The following WWOX variants were observed in gnomAD, a reference collection of about 807,000 sequenced individuals.
WWOX encodes WW domain containing oxidoreductase.
In WWOX, 69 loss-of-function variants were observed where a neutral mutation model predicts 46.2. The ratio of observed to expected loss-of-function variants is 1.49; its 90% CI spans 1.23 to 1.82. The LOEUF is 1.82. WWOX is among the 40% of genes most tolerant of loss of function. The probability of loss-of-function intolerance (pLI) is 0.00; values close to 1 mark genes in which losing one functional copy is unlikely to be tolerated. For synonymous variants in WWOX, 359 were observed against 202.6 expected, an observed-to-expected ratio of 1.77 and a Z score of -6.56; for missense variants, 919 against 542.6, an observed-to-expected ratio of 1.69 and a Z score of -6.89.
intron 8 of WWOX, among the ~76,000 whole-genome samples, chr16:78,771,638 G>T (rs2050066820): frequency 1.3e-5 from 2 of 152,104 alleles, no homozygotes; most frequent in Non-Finnish European, 2.9e-5. Flanking sequence ...CGGGCATTGT[G>T]GTGGGTGTCT....
At chr16:78,275,085 A>G (rs1357653690) in intron 5 of WWOX, among the ~76,000 whole-genome samples, 1 of 152,184 alleles carries the variant, frequency 6.6e-6, no homozygotes, top group Non-Finnish European at 1.5e-5. Context: ...TGGCCCATGC[A>G]GAGTTTACTG....
intron 8 of WWOX, among the ~76,000 whole-genome samples, chr16:78,850,840 T>G (rs372746714): frequency 5.9e-5 from 9 of 152,296 alleles, no homozygotes; most frequent in African/African-American, 2.2e-4. Context: ...TTAGTGTCTA[T>G]TTTTGGTGAT....
At chr16:78,930,787 T>C (rs1555571035) in intron 8 of WWOX, among the ~76,000 whole-genome samples, 1 of 152,108 alleles carries the variant, frequency 6.6e-6, no homozygotes, top group Non-Finnish European at 1.5e-5. Flanking sequence ...CTGTGATGCT[T>C]CCATCACACA....
intron 8 of WWOX, among the ~76,000 whole-genome samples, chr16:78,863,563 G>T (rs935946570): frequency 4.6e-5 from 7 of 152,112 alleles, no homozygotes; most frequent in Admixed American, 1.3e-4. Flanking sequence ...CGGCATTGTG[G>T]CTCCCTTTGT....
rs1314369802 is a variant in WWOX at position 78,364,307 on chromosome 16, TTGTCTA to T, written c.517-22551_517-22546del. On this transcript the variant is annotated intron_variant, in intron 5 of 8. Transcript: ENST00000566780. ...TAGCCACTAAAGGGGGAATTGGATA[TTGTCTA>T]TCAATTGGTTGGTCTCTGAACTAAG... is the stretch of plus-strand genomic sequence containing the variant. Among the ~76,000 whole-genome samples, 3 of 152,328 alleles carry T rather than the reference TTGTCTA, an allele frequency of 2.0e-5. No homozygotes were observed. In the East Asian group the frequency reaches 5.8e-4, roughly 29 times the overall value.
At chr16:78,853,168 A>G (rs2052489096) in intron 8 of WWOX, among the ~76,000 whole-genome samples, 1 of 152,214 alleles carries the variant, frequency 6.6e-6, no homozygotes, top group African/African-American at 2.4e-5. Flanking sequence ...ATATGTTGCC[A>G]TGTATAGCCA....
intron 8 of WWOX, among the ~76,000 whole-genome samples, chr16:78,752,999 C>T (rs950116253): frequency 6.6e-6 from 1 of 152,088 alleles, no homozygotes; most frequent in Non-Finnish European, 1.5e-5. Context: ...GCAGTGATTT[C>T]AGTAATCTCT....
chr16:78,938,275 G>A (rs954279073), intron 8 of WWOX, among the ~76,000 whole-genome samples: 3 of 152,222 alleles, frequency 2.0e-5, no homozygotes, highest in East Asian at 1.9e-4. Context: ...AAGTAGATCA[G>A]TGTTGCCCAG....
chr16:78,684,929 ATGT>A (rs1281223617), intron 8 of WWOX, among the ~76,000 whole-genome samples: 2 of 152,186 alleles, frequency 1.3e-5, no homozygotes, highest in Non-Finnish European at 2.9e-5. Flanking sequence ...TAGTGAACAC[ATGT>A]TGTTTTACAG....
chr16:78,890,457 G>T (rs1483090111), intron 8 of WWOX: 1 of 151,612 alleles, frequency 6.6e-6, no homozygotes, highest in East Asian at 1.9e-4. Flanking sequence ...TGTTCCCCCA[G>T]CCCCAGTCAG....
intron 8 of WWOX, among the ~76,000 whole-genome samples, chr16:78,860,336 C>T (rs1286348419): frequency 2.0e-5 from 3 of 152,302 alleles, no homozygotes; most frequent in East Asian, 3.9e-4. Context: ...AGAATTCCCA[C>T]ACTTGGCCCC....
rs372824541 is a variant in WWOX, at chr16:78,605,784, A to G, written c.1056+173032A>G. On this transcript the variant is annotated intron_variant, in intron 8 of 8. Transcript: ENST00000566780. ...GATAGGAAGAAGCTCTGATGAAGCA[A>G]TGTTGGGGCACTCATGGTTAAATTG... Among the ~76,000 whole-genome samples, 3 of 152,082 alleles carry G rather than the reference A, an allele frequency of 2.0e-5. 1 individual carries two copies. The highest frequency in any genetic ancestry group is 2.9e-5 in the Non-Finnish European group (2 of 68,006).
chr16:78,398,901 C>G (rs745529902), intron 6 of WWOX, among the ~76,000 whole-genome samples: 11 of 152,210 alleles, frequency 7.2e-5, no homozygotes, highest in Non-Finnish European at 1.5e-4. Context: ...CTTTATCATC[C>G]TTTGCAATTA....
intron 8 of WWOX, among the ~76,000 whole-genome samples, chr16:79,009,770 A>T (rs1160093168): frequency 6.6e-6 from 1 of 152,072 alleles, no homozygotes; most frequent in South Asian, 2.1e-4. Context: ...TTTTCAAAGG[A>T]AGAAATGGAA....
rs1333036407 is a variant in WWOX at position 78,849,092 on chromosome 16, C to T, written c.1057-362516C>T. Among the ~76,000 whole-genome samples the T allele has an allele frequency of 2.0e-5, 3 of 152,276 alleles. No homozygotes were observed. The South Asian group carries it at 6.2e-4, about 32-fold the overall frequency. ...TCTTGCCACAGCTCCCCAGGGTCTA[C>T]TTGGTGTCCCACGGAGGACAGTCTA... is the stretch of plus-strand genomic sequence containing the variant. On this transcript the variant is annotated intron_variant, in intron 8 of 8. Coordinates refer to ENST00000566780, the MANE Select transcript of WWOX (RefSeq NM_016373.4).
chr16:78,766,303 A>C (rs2049923683), intron 8 of WWOX, among the ~76,000 whole-genome samples: 1 of 152,204 alleles, frequency 6.6e-6, no homozygotes, highest in Admixed American at 6.5e-5. Context: ...CCTTATTAAA[A>C]TGTGCAGAGG....
chr16:78,470,449 T>G (rs1215275987), intron 8 of WWOX, among the ~76,000 whole-genome samples: 1 of 152,236 alleles, frequency 6.6e-6, no homozygotes, highest in Admixed American at 6.5e-5. Context: ...TAAGCATGCT[T>G]CCTTCCCTCT....
At chr16:78,334,853 CACAA>C in intron 5 of WWOX, among the ~76,000 whole-genome samples, 1 of 139,460 alleles carries the variant, frequency 7.2e-6, no homozygotes, top group South Asian at 2.2e-4. Context: ...CACACACACA[CACAA>C]AATCACCAAA....
At chr16:78,657,196 C>T (rs546923820) in intron 8 of WWOX, among the ~76,000 whole-genome samples, 2 of 152,264 alleles carry the variant, frequency 1.3e-5, no homozygotes, top group South Asian at 4.1e-4. Flanking sequence ...TACTCTGAGT[C>T]TGTCCATTGT....
Sources: gnomAD v4.1 joint callset for allele counts (sites outside exome capture counted in the v4.1 genomes callset) on GRCh38, gnomAD v4.1.1 for gene constraint, MANE v1.5 for transcripts, NCBI Gene and HGNC (gene_info 2026-07-23, HGNC 2026-07-21) for gene names.